Variants in CADPS observed in about 807,000 individuals in gnomAD.
CADPS encodes calcium dependent secretion activator, also known as calcium-dependent secretion activator 1.
A neutral mutation model predicts 167.3 loss-of-function variants in CADPS; 57 were observed. The ratio of observed to expected loss-of-function variants is 0.34; its 90% CI spans 0.28 to 0.42. The LOEUF is 0.42. Among genes scored for constraint, CADPS ranks in the 20% least tolerant of loss-of-function variants. The pLI is 1.00. For synonymous variants in CADPS, 676 were observed against 635.3 expected, an observed-to-expected ratio of 1.06 and a Z score of -0.96; for missense variants, 1,414 against 1,738.1, an observed-to-expected ratio of 0.81 and a Z score of 3.32.
chr3:62,543,840 T>G (rs1275020622), intron 11 of CADPS, among the ~76,000 whole-genome samples: 2 of 152,152 alleles, frequency 1.3e-5, no homozygotes, highest in Non-Finnish European at 2.9e-5. Flanking sequence ...GGTTGATAGT[T>G]TTTTCCTATA....
intron 15 of CADPS, 56 bp from the exon 16 acceptor site, chr3:62,516,238 T>C (rs2068960719): frequency 6.3e-7 from 1 of 1,598,576 alleles, no homozygotes; most frequent in Admixed American, 1.7e-5. Flanking sequence ...GTGTCACTCA[T>C]CCATACTTCT....
Position 62,475,602 on chromosome 3 carries a change from A to C in CADPS, c.3330-1282T>G, listed in dbSNP as rs944975963. Among the ~76,000 whole-genome samples, 15 of 150,058 alleles carry C rather than the reference A, an allele frequency of 1.0e-4. No homozygotes were observed. The East Asian group carries it at 2.1e-3, about 21-fold the overall frequency. On this transcript the variant is annotated intron_variant, in intron 23 of 29. Coordinates refer to ENST00000383710, the MANE Select transcript of CADPS (RefSeq NM_003716.4). ...TTCTTAAGAAAAAAAAAAAAAAAAA[A>C]AAAAAAAAAACACCTAAAAATCCCA... is the stretch of plus-strand genomic sequence containing the variant.
chr3:62,622,142 C>T (rs2063293875), intron 6 of CADPS, among the ~76,000 whole-genome samples: 1 of 152,118 alleles, frequency 6.6e-6, no homozygotes, highest in African/African-American at 2.4e-5. Context: ...GTTTGGCCCG[C>T]AGCTGGTCTG....
chr3:62,650,817 A>G (rs1254424855), intron 5 of CADPS, 30 bp downstream of exon 5: 2 of 1,572,102 alleles, frequency 1.3e-6, no homozygotes, highest in Non-Finnish European at 1.7e-6. Context: ...TGCTGTGCCA[A>G]GAAACTTTCA....
At chr3:62,513,191 G>A (rs2068234534) in intron 16 of CADPS, among the ~76,000 whole-genome samples, 1 of 152,082 alleles carries the variant, frequency 6.6e-6, no homozygotes, top group Non-Finnish European at 1.5e-5. Context: ...ACCACCTGGT[G>A]TGGTCTCATA....
At position 62,518,200 on chromosome 3, in the gene CADPS, T is replaced by G. The variant is rs148300961; in HGVS notation, c.2342A>C (p.Glu781Ala). 1 of 1,613,024 alleles carries G rather than the reference T, an allele frequency of 6.2e-7. No homozygotes were observed. Among genetic ancestry groups the G allele is most frequent in the Non-Finnish European group, 8.5e-7 (1 of 1,179,534 alleles). ...CAGAACTCGGAGCCTCTCTTTGATT[T>G]CTTCAAAACGTTCCTTTTCTTCAAC... ...VTVEEKERFE[E>A]IKERLRVLLE... The change falls in exon 14 of 30, where the codon GAA (glutamate) becomes GCA (alanine). Residue 781 changes from glutamate (E) to alanine (A), a missense_variant. Around this residue, in one of 6 missense-constraint regions of CADPS, gnomAD observed 529 missense variants for 629.6 expected, o/e 0.84. Transcript: ENST00000383710.
rs999054157 is a variant in CADPS, at chr3:62,699,557, T to A, written c.889-37163A>T. ...GTGCCCCTGGGTCAAATCTGGCTGATGACCTGTTTTTGTAAAGTTGTTTTG... is the reference window on the plus strand; with the variant it reads ...GTGCCCCTGGGTCAAATCTGGCTGAAGACCTGTTTTTGTAAAGTTGTTTTG... On this transcript the variant is annotated intron_variant, in intron 3 of 29. Transcript: ENST00000383710. 3.3e-5 allele frequency among the ~76,000 whole-genome samples: 5 copies of A among 151,486 alleles called. No individual in the cohort carries two copies. In the East Asian group the frequency reaches 9.7e-4, roughly 29 times the overall value.
intron 7 of CADPS, among the ~76,000 whole-genome samples, chr3:62,591,901 C>G (rs895104953): frequency 1.3e-5 from 2 of 152,160 alleles, no homozygotes; most frequent in African/African-American, 2.4e-5. Flanking sequence ...TGCATCCCAT[C>G]TGACTTTTGA....
In CADPS at chr3:62,478,490, C is replaced by T; in HGVS notation, c.3174-74G>A. The T allele has an allele frequency of 7.0e-7, 1 of 1,433,112 alleles. No individual in the cohort carries two copies. Among genetic ancestry groups the T allele is most frequent in the Non-Finnish European group, 9.6e-7 (1 of 1,046,466 alleles). The allele number at this position is 1,433,112 out of a possible 1,614,324, so 88.8% of individuals were successfully genotyped here. ...TCTACAAAAACTAACACAGAGACAA[C>T]TGGGGGCTAGAAGGCAAACAGCAGC... On this transcript the variant is annotated intron_variant, in intron 22 of 29. Coordinates refer to ENST00000383710, the MANE Select transcript of CADPS (RefSeq NM_003716.4). The surrounding 1 kb of genome is among the most constrained non-coding windows in gnomAD (Gnocchi z 5.7).
rs2083285958 is a variant in CADPS at position 62,753,963 on chromosome 3, C to T, written c.556-190G>A. On this transcript the variant is annotated intron_variant, in intron 2 of 29. Transcript: ENST00000383710. The surrounding 1 kb of genome is among the most constrained non-coding windows in gnomAD (Gnocchi z 4.6). ...TCTCTTACACATTCTGCTTCTGTGT[C>T]CACATCTGTAAGATGAGAATAACAA... Among the ~76,000 whole-genome samples the T allele has an allele frequency of 6.6e-6, 1 of 152,126 alleles. No individual in the cohort carries two copies. The highest frequency in any genetic ancestry group is 1.5e-5 in the Non-Finnish European group (1 of 68,022).
chr3:62,616,446 AC>A (rs2062312387), intron 6 of CADPS, among the ~76,000 whole-genome samples: 1 of 143,234 alleles, frequency 7.0e-6, no homozygotes, highest in South Asian at 2.6e-4. Context: ...CAGATACATG[AC>A]ACAATGAGTG....
chr3:62,783,381 T>C (rs902104058), intron 1 of CADPS, among the ~76,000 whole-genome samples: 1 of 152,146 alleles, frequency 6.6e-6, no homozygotes, highest in African/African-American at 2.4e-5. Flanking sequence ...TATCAAGTAA[T>C]GGTAAACCAA....
At position 62,571,180 on chromosome 3, in the gene CADPS, T is replaced by C. The variant is rs556631040; in HGVS notation, c.1578-242A>G. 3.3e-5 allele frequency among the ~76,000 whole-genome samples: 5 copies of C among 152,262 alleles called. No individual in the cohort carries two copies. The East Asian group carries it at 9.6e-4, about 29-fold the overall frequency. Reference sequence around the variant, plus strand: ...TCCTTGACTGATTCCAGAAAGCACCTTGGAAAATGTGACGCTGCAACTTAA... The same window carrying C: ...TCCTTGACTGATTCCAGAAAGCACCCTGGAAAATGTGACGCTGCAACTTAA... On this transcript the variant is annotated intron_variant, in intron 8 of 29. Transcript: ENST00000383710.
chr3:62,604,389 G>C (rs2060401740), intron 6 of CADPS, among the ~76,000 whole-genome samples: 1 of 152,178 alleles, frequency 6.6e-6, no homozygotes, highest in African/African-American at 2.4e-5. Flanking sequence ...CTTGTGGTGA[G>C]GACAGGAACA....
intron 3 of CADPS, among the ~76,000 whole-genome samples, chr3:62,683,579 C>G (rs190865560): frequency 1.3e-5 from 2 of 152,160 alleles, no homozygotes; most frequent in Admixed American, 1.3e-4. Flanking sequence ...GCACATTTGT[C>G]AAAACATATG....
rs555263083 is a variant in CADPS, at chr3:62,551,904, CCTAT to C, written c.1754-1793_1754-1790del. Among the ~76,000 whole-genome samples the C allele has an allele frequency of 3.4e-3, 519 of 152,212 alleles. 1 individual carries two copies. Among genetic ancestry groups the C allele is most frequent in the South Asian group, 8.7e-3 (42 of 4,820 alleles). On this transcript the variant is annotated intron_variant, in intron 10 of 29. Coordinates refer to ENST00000383710, the MANE Select transcript of CADPS (RefSeq NM_003716.4). Reference sequence around the variant, plus strand: ...CCTTCCCTGACCTCCCTTCTTGTGACCTATCTCTTATCTTGCTTAATTTTTCTTT... The same window carrying C: ...CCTTCCCTGACCTCCCTTCTTGTGACCTCTTATCTTGCTTAATTTTTCTTT...
Position 62,870,515 on chromosome 3 carries a change from C to T in CADPS, c.441+4074G>A, listed in dbSNP as rs879032081. Among the ~76,000 whole-genome samples the T allele has an allele frequency of 3.9e-5, 6 of 152,098 alleles. 1 individual carries two copies. The highest frequency in any genetic ancestry group is 3.9e-4 in the Admixed American group (6 of 15,258). ...AAGAATTTCTATGGCTATGACTCAA[C>T]ATTAGCCATCATTTCATGGGCAGAT... On this transcript the variant is annotated intron_variant, in intron 1 of 29. Transcript: ENST00000383710.
intron 1 of CADPS, among the ~76,000 whole-genome samples, chr3:62,771,255 A>G (rs1053208414): frequency 2.0e-5 from 3 of 152,194 alleles, no homozygotes; most frequent in Non-Finnish European, 4.4e-5. Flanking sequence ...CTTAATGTAT[A>G]CCAGGCACAG....
chr3:62,787,704 T>C (rs2092588214), intron 1 of CADPS, among the ~76,000 whole-genome samples: 1 of 152,218 alleles, frequency 6.6e-6, no homozygotes, highest in Admixed American at 6.5e-5. Context: ...CTGCTTAAGT[T>C]TGAATTTTGA....
Sources: gnomAD v4.1 joint callset for allele counts (sites outside exome capture counted in the v4.1 genomes callset) on GRCh38, gnomAD v4.1.1 for gene constraint, gnomAD v4.1.1 regional missense constraint, Gnocchi (gnomAD v3.1) non-coding constraint, MANE v1.5 for transcripts, NCBI Gene and HGNC (gene_info 2026-07-23, HGNC 2026-07-21) for gene names.